Variants in SYNPR observed in about 807,000 individuals in gnomAD.
SYNPR encodes synaptoporin.
Under a neutral mutation model 32.9 loss-of-function variants are expected in SYNPR, and 23 were observed. The ratio of observed to expected loss-of-function variants is 0.70; its 90% CI spans 0.50 to 0.99. The LOEUF (loss-of-function observed/expected upper bound fraction) is 0.99, where lower values mean the gene tolerates loss of function less well. Ranked by LOEUF, SYNPR falls within the 50% of genes least tolerant of loss-of-function variation. The pLI, the probability that SYNPR is intolerant of heterozygous loss-of-function variation, is 0.00. For missense variants in SYNPR, 318 were observed against 349.3 expected, an observed-to-expected ratio of 0.91 and a Z score of 0.71; for synonymous variants, 146 against 135.9, an observed-to-expected ratio of 1.07 and a Z score of -0.52.
At chr3:63,388,021 A>C (rs1293190177) in intron 2 of SYNPR, among the ~76,000 whole-genome samples, 1 of 152,176 alleles carries the variant, frequency 6.6e-6, no homozygotes. Context: ...GTCACAGGAA[A>C]GATAGCAGCT....
At position 63,415,795 on chromosome 3, in the gene SYNPR, A is replaced by G. The variant is rs2088531962; in HGVS notation, c.85-65037A>G. Among the ~76,000 whole-genome samples the G allele has an allele frequency of 3.9e-5, 6 of 152,292 alleles. No homozygotes were observed. In the South Asian group the frequency reaches 1.2e-3, roughly 32 times the overall value. ...TAATAAATATTTAGATCTAGGTAAT[A>G]CCCTTTCCCTGCAGCAAATTGCAAC... On this transcript the variant is annotated intron_variant, in intron 2 of 5. Coordinates refer to ENST00000478300, the MANE Select transcript of SYNPR (RefSeq NM_001130003.2).
At chr3:63,385,834 T>C (rs1349940326) in intron 2 of SYNPR, among the ~76,000 whole-genome samples, 1 of 152,176 alleles carries the variant, frequency 6.6e-6, no homozygotes, top group Non-Finnish European at 1.5e-5. Context: ...CAGCTCTTTA[T>C]GTAACACATA....
At chr3:63,317,857 A>G (rs1042990054) in intron 2 of SYNPR, among the ~76,000 whole-genome samples, 5 of 151,764 alleles carry the variant, frequency 3.3e-5, no homozygotes, top group African/African-American at 9.7e-5. Flanking sequence ...GTCCTGTGTG[A>G]TTTATGCTTT....
At chr3:63,442,707 A>T (rs763358240) in intron 2 of SYNPR, among the ~76,000 whole-genome samples, 1 of 152,180 alleles carries the variant, frequency 6.6e-6, no homozygotes, top group Non-Finnish European at 1.5e-5. Flanking sequence ...GTGACGAGTG[A>T]GCAACCAAGT....
At chr3:63,534,194 G>GA (rs1474729996) in intron 3 of SYNPR, among the ~76,000 whole-genome samples, 1 of 151,746 alleles carries the variant, frequency 6.6e-6, no homozygotes, top group East Asian at 1.9e-4. Context: ...TTTTCTAATA[G>GA]AAAAAAAAGA....
At chr3:63,231,952 A>C (rs1434499494) in intron 1 of SYNPR, among the ~76,000 whole-genome samples, 2 of 152,030 alleles carry the variant, frequency 1.3e-5, no homozygotes, top group Non-Finnish European at 2.9e-5. Flanking sequence ...TTTAATCCTG[A>C]TTTGTTTTGT....
intron 2 of SYNPR, among the ~76,000 whole-genome samples, chr3:63,405,756 C>A (rs1042639117): frequency 3.9e-5 from 6 of 152,058 alleles, no homozygotes; most frequent in African/African-American, 1.4e-4. Context: ...TGGCATGTGC[C>A]AGAGGATAGA....
intron 2 of SYNPR, among the ~76,000 whole-genome samples, chr3:63,262,661 A>C (rs2086449174): frequency 6.6e-6 from 1 of 152,180 alleles, no homozygotes; most frequent in African/African-American, 2.4e-5. Context: ...ACCGTGCCAA[A>C]GCCCAGCCCT....
At chr3:63,274,738 T>C (rs2086560841), upstream of SYNPR, among the ~76,000 whole-genome samples, 1 of 152,180 alleles carries the variant, frequency 6.6e-6, no homozygotes, top group Non-Finnish European at 1.5e-5. Flanking sequence ...TTCCAGATAA[T>C]TCTTTGTTTT....
intron 2 of SYNPR, among the ~76,000 whole-genome samples, chr3:63,328,315 T>C (rs921971953): frequency 6.6e-6 from 1 of 152,170 alleles, no homozygotes; most frequent in African/African-American, 2.4e-5. Flanking sequence ...TCCAGAATCT[T>C]GTATTCAGGC....
At chr3:63,581,793 C>CAA (rs202240413) in intron 4 of SYNPR, among the ~76,000 whole-genome samples, 4 of 146,802 alleles carry the variant, frequency 2.7e-5, no homozygotes, top group African/African-American at 9.9e-5. Flanking sequence ...TTTCTTATTA[C>CAA]AAAAAAAAAA....
chr3:63,278,357 G>A lies in SYNPR; in HGVS notation c.-177G>A, dbSNP rs1290900674. The A allele has an allele frequency of 2.0e-5, 15 of 745,024 alleles. No homozygotes were observed. Among genetic ancestry groups the A allele is most frequent in the Admixed American group, 3.1e-5 (1 of 32,008 alleles). 46.2% of individuals were successfully genotyped at this position (745,024 alleles called of 1,614,324 possible). ...CCCCGACGCGCTGGGTTCCCGGAGC[G>A]CAGAGCCCAGCGTTAGCGGGTGGGC... On this transcript the variant is annotated 5_prime_UTR_variant, in exon 1 of 6. Transcript: ENST00000478300.
chr3:63,284,162 CT>C (rs886356029), intron 2 of SYNPR, among the ~76,000 whole-genome samples: 11 of 152,156 alleles, frequency 7.2e-5, no homozygotes, highest in African/African-American at 1.9e-4. Context: ...CCTTTGGTCT[CT>C]TTTTTTCCCT....
At chr3:63,377,864 A>G (rs2087915355) in intron 2 of SYNPR, among the ~76,000 whole-genome samples, 1 of 151,988 alleles carries the variant, frequency 6.6e-6, no homozygotes, top group Non-Finnish European at 1.5e-5. Flanking sequence ...AATTAAGCAT[A>G]AGATTATTTT....
At chr3:63,401,910 T>C (rs1428770528) in intron 2 of SYNPR, among the ~76,000 whole-genome samples, 1 of 152,148 alleles carries the variant, frequency 6.6e-6, no homozygotes, top group Non-Finnish European at 1.5e-5. Flanking sequence ...TTGAGAAACA[T>C]GAGGCCAGTA....
intron 2 of SYNPR, among the ~76,000 whole-genome samples, chr3:63,455,756 G>GGTGTGTGT (rs370244005): frequency 0.14 from 19,845 of 144,184 alleles, 1,335 homozygotes; most frequent in Middle Eastern, 0.19. Flanking sequence ...TCATGTTTGG[G>GGTGTGTGT]GTGTGTGTGT....
intron 4 of SYNPR, among the ~76,000 whole-genome samples, chr3:63,565,717 T>C (rs1220168583): frequency 6.6e-6 from 1 of 152,156 alleles, no homozygotes; most frequent in East Asian, 1.9e-4. Context: ...CAGAGGATGC[T>C]GCAATGAGGC....
chr3:63,279,326 T>C (rs1273376570), intron 2 of SYNPR, among the ~76,000 whole-genome samples: 2 of 152,196 alleles, frequency 1.3e-5, no homozygotes. Context: ...AACTCCTTCC[T>C]TCCCTACTAT....
chr3:63,473,408 ATTG>A (rs1700841913), intron 2 of SYNPR, among the ~76,000 whole-genome samples: 1 of 147,738 alleles, frequency 6.8e-6, no homozygotes, highest in Non-Finnish European at 1.5e-5. Flanking sequence ...TGATTGATTG[ATTG>A]TATTTCTTTT....
Sources: gnomAD v4.1 joint callset for allele counts (sites outside exome capture counted in the v4.1 genomes callset) on GRCh38, gnomAD v4.1.1 for gene constraint, MANE v1.5 for transcripts, NCBI Gene and HGNC (gene_info 2026-07-23, HGNC 2026-07-21) for gene names.